BRINP1: variants seen among roughly 807,000 people sequenced by gnomAD.
The protein encoded by BRINP1 is BMP/retinoic acid-inducible neural-specific protein 1.
Under a neutral mutation model 72.9 loss-of-function variants are expected in BRINP1, and 17 were observed. The observed-to-expected ratio is 0.23, with a 90% CI of 0.16 to 0.35. The LOEUF (loss-of-function observed/expected upper bound fraction) is 0.35, where lower values mean the gene tolerates loss of function less well. Among genes scored for constraint, BRINP1 ranks in the 10% least tolerant of loss-of-function variants. BRINP1 has a pLI of 1.00. For synonymous variants in BRINP1, 418 were observed against 378.5 expected, an observed-to-expected ratio of 1.10 and a Z score of -1.21; for missense variants, 850 against 1,001.6, an observed-to-expected ratio of 0.85 and a Z score of 2.04.
chr9:119,246,995 A>T (rs965155962), intron 3 of BRINP1, among the ~76,000 whole-genome samples: 1 of 152,194 alleles, frequency 6.6e-6, no homozygotes, highest in Non-Finnish European at 1.5e-5. Flanking sequence ...ATAATTCACC[A>T]CCTTGCCTTA....
chr9:119,362,949 C>A (rs955436544), intron 1 of BRINP1, among the ~76,000 whole-genome samples: 1 of 152,224 alleles, frequency 6.6e-6, no homozygotes, highest in Admixed American at 6.5e-5. Context: ...TTCTCACTCT[C>A]CTGTACAGGC....
At position 119,249,838 on chromosome 9, in the gene BRINP1, G is replaced by GGAAA. The variant is rs1427530392; in HGVS notation, c.219-689_219-688insTTTC. On this transcript the variant is annotated intron_variant, in intron 2 of 7. Transcript: ENST00000265922. Reference sequence around the variant, plus strand: ...AGGAAGGAAGGAAGGAAGGAAGGAAGGAAGGAAGGAAGGAAGGGAGGGAGG... The same window carrying GGAAA: ...AGGAAGGAAGGAAGGAAGGAAGGAAGGAAAGAAGGAAGGAAGGAAGGGAGGGAGG... Among the ~76,000 whole-genome samples the GGAAA allele has an allele frequency of 2.9e-3, 206 of 71,198 alleles. 3 individuals carry two copies. Among genetic ancestry groups the GGAAA allele is most frequent in the Non-Finnish European group, 5.0e-3 (170 of 33,870 alleles). 46.7% of individuals were successfully genotyped at this position (71,198 alleles called of 152,430 possible).
chr9:119,323,291 G>C (rs567852946), intron 1 of BRINP1, among the ~76,000 whole-genome samples: 1 of 152,296 alleles, frequency 6.6e-6, no homozygotes, highest in African/African-American at 2.4e-5. Context: ...ATTCCAAAGA[G>C]AGAAATCTAA....
intron 2 of BRINP1, among the ~76,000 whole-genome samples, chr9:119,266,335 G>C (rs549561915): frequency 2.0e-5 from 3 of 152,198 alleles, no homozygotes; most frequent in African/African-American, 4.8e-5. Flanking sequence ...GCCACATGAA[G>C]GAGGTCCTGG....
In BRINP1 at chr9:119,207,235, A is replaced by G. The variant is rs138929268; in HGVS notation, c.1145+1484T>C. On this transcript the variant is annotated intron_variant, in intron 7 of 7. Transcript: ENST00000265922. ...AACGAGAGAAAAAAGGGTGCACCTC[A>G]TCGGGGTAATTAGGTGGATGGACTG... is the stretch of plus-strand genomic sequence containing the variant. Among the ~76,000 whole-genome samples the G allele has an allele frequency of 1.5e-3, 234 of 152,348 alleles. 4 individuals carry two copies. The highest frequency in any genetic ancestry group is 5.6e-3 in the East Asian group (29 of 5,188).
rs1375850498 is a variant in BRINP1 at position 119,167,702 on chromosome 9, C to T, written c.1668G>A (p.Leu556=). 4 of 1,614,160 alleles carry T rather than the reference C, an allele frequency of 2.5e-6. No individual in the cohort carries two copies. The highest frequency in any genetic ancestry group is 1.1e-5 in the South Asian group (1 of 91,082). Residue 556 remains leucine, a synonymous_variant, in exon 8 of 8, where the codon CTG becomes CTA. Transcript: ENST00000265922. This position sits in a 1 kb window ranked among gnomAD's most constrained non-coding sequence, Gnocchi z 4.3. ...TGACATAGACAAAGAACATGGGGTC[C>T]AGGCTGCTGTTGCGCATCTGGCAGA... ...MRICQMRNSS[L]DPMFFVYVNP... is the part of the protein sequence containing the mutation.
rs188310555 is a variant in BRINP1 at position 119,195,405 on chromosome 9, A to G, written c.1145+13314T>C. Among the ~76,000 whole-genome samples, 5 of 152,322 alleles carry G rather than the reference A, an allele frequency of 3.3e-5. No individual in the cohort carries two copies. The East Asian group carries it at 9.6e-4, about 29-fold the overall frequency. ...GAGTATTACTTTATAATCTTGGGCA[A>G]GTCATTCATTTCTGTCAGTCTCAGT... On this transcript the variant is annotated intron_variant, in intron 7 of 7. Transcript: ENST00000265922.
intron 2 of BRINP1, among the ~76,000 whole-genome samples, chr9:119,304,787 C>A (rs368894424): frequency 6.6e-6 from 1 of 152,268 alleles, no homozygotes; most frequent in Non-Finnish European, 1.5e-5. Context: ...TTAATGAAAC[C>A]CTTCTCCGCT....
intron 3 of BRINP1, among the ~76,000 whole-genome samples, chr9:119,242,780 T>G (rs1443069795): frequency 6.6e-6 from 1 of 152,192 alleles, no homozygotes; most frequent in African/African-American, 2.4e-5. Flanking sequence ...TTAAATAAAT[T>G]TAGATGCAAA....
At chr9:119,271,472 C>T (rs1412420932) in intron 2 of BRINP1, among the ~76,000 whole-genome samples, 2 of 151,654 alleles carry the variant, frequency 1.3e-5, no homozygotes, top group Non-Finnish European at 2.9e-5. Context: ...ATTTTAATGG[C>T]CTGATTATGT....
At chr9:119,207,570 C>T (rs1034361166) in intron 7 of BRINP1, among the ~76,000 whole-genome samples, 13 of 152,234 alleles carry the variant, frequency 8.5e-5, no homozygotes, top group Middle Eastern at 3.4e-3. Flanking sequence ...ACCCTTGCTA[C>T]GATACTCAAA....
chr9:119,363,434 G>T (rs904216337), intron 1 of BRINP1, among the ~76,000 whole-genome samples: 2 of 151,974 alleles, frequency 1.3e-5, no homozygotes, highest in Non-Finnish European at 2.9e-5. Flanking sequence ...TGCCTCTAAT[G>T]CTCTTTCCCC....
At chr9:119,358,842 T>C (rs1445188579) in intron 1 of BRINP1, among the ~76,000 whole-genome samples, 1 of 152,236 alleles carries the variant, frequency 6.6e-6, no homozygotes, top group East Asian at 1.9e-4. Flanking sequence ...AATTTAAAAA[T>C]CTGCCTCTAT....
chr9:119,190,584 T>C (rs948862671), intron 7 of BRINP1, among the ~76,000 whole-genome samples: 4 of 151,870 alleles, frequency 2.6e-5, no homozygotes, highest in African/African-American at 9.7e-5. Flanking sequence ...AAATGCAACC[T>C]ATGAAGTTTG....
intron 7 of BRINP1, among the ~76,000 whole-genome samples, chr9:119,168,559 G>GAAAGTGTCTAGACTC (rs1283562362): frequency 8.4e-6 from 1 of 119,394 alleles, no homozygotes; most frequent in Non-Finnish European, 2.0e-5. Flanking sequence ...TTCAGGAAAT[G>GAAAGTGTCTAGACTC]AAAGTGTCTA....
intron 2 of BRINP1, among the ~76,000 whole-genome samples, chr9:119,257,337 C>A (rs893693769): frequency 6.6e-6 from 1 of 152,160 alleles, no homozygotes; most frequent in Non-Finnish European, 1.5e-5. Context: ...TATAATGAAG[C>A]ACTATTCATA....
chr9:119,357,225 C>A (rs1831577807), intron 1 of BRINP1, among the ~76,000 whole-genome samples: 1 of 152,140 alleles, frequency 6.6e-6, no homozygotes, highest in South Asian at 2.1e-4. Flanking sequence ...TTCAATATTC[C>A]TTTCTTTATA....
At chr9:119,181,569 G>GT (rs1829558198) in intron 7 of BRINP1, among the ~76,000 whole-genome samples, 1 of 152,198 alleles carries the variant, frequency 6.6e-6, no homozygotes, top group South Asian at 2.1e-4. Flanking sequence ...GTGAAAAGAA[G>GT]TAATGACTGA....
At chr9:119,202,596 G>T (rs1168829065) in intron 7 of BRINP1, among the ~76,000 whole-genome samples, 1 of 152,128 alleles carries the variant, frequency 6.6e-6, no homozygotes, top group East Asian at 1.9e-4. Context: ...ATCTCCTGGT[G>T]GCAAGACAAG....
Sources: allele counts gnomAD v4.1 joint callset (sites outside exome capture counted in the v4.1 genomes callset), GRCh38; gene constraint gnomAD v4.1.1; non-coding constraint Gnocchi (gnomAD v3.1); transcripts MANE v1.5; gene names NCBI Gene and HGNC (gene_info 2026-07-23, HGNC 2026-07-21).